Variants in GABRB1 observed in about 807,000 individuals in gnomAD.
The protein encoded by GABRB1 is gamma-aminobutyric acid receptor subunit beta-1.
In GABRB1, 17 loss-of-function variants were observed where a neutral mutation model predicts 51.6. The ratio of observed to expected loss-of-function variants is 0.33; its 90% CI spans 0.23 to 0.49. The LOEUF (loss-of-function observed/expected upper bound fraction) is 0.49. Ranked by LOEUF, GABRB1 falls within the 20% of genes least tolerant of loss-of-function variation. The pLI is 0.99. For missense variants in GABRB1, 410 were observed against 600.6 expected, an observed-to-expected ratio of 0.68 and a Z score of 3.32; for synonymous variants, 247 against 218.9, an observed-to-expected ratio of 1.13 and a Z score of -1.14.
rs181754738 is a variant in GABRB1 at position 47,217,278 on chromosome 4, A to G, written c.461+55809A>G. 2.9e-3 allele frequency among the ~76,000 whole-genome samples: 445 copies of G among 151,972 alleles called. 1 individual carries two copies. The highest frequency in any genetic ancestry group is 4.0e-3 in the Non-Finnish European group (270 of 67,808). On this transcript the variant is annotated intron_variant, in intron 4 of 8. Coordinates refer to ENST00000295454, the MANE Select transcript of GABRB1 (RefSeq NM_000812.4). ...GTATTAAATACCTAAGTAGAAAATGACTACATGCTTGTTATATTATTCTCT... is the reference window on the plus strand; with the variant it reads ...GTATTAAATACCTAAGTAGAAAATGGCTACATGCTTGTTATATTATTCTCT...
intron 4 of GABRB1, among the ~76,000 whole-genome samples, chr4:47,222,086 T>C (rs903758039): frequency 2.6e-5 from 4 of 152,078 alleles, no homozygotes; most frequent in African/African-American, 9.7e-5. Flanking sequence ...TTACTGCAAA[T>C]GTACATCTGT....
At chr4:46,996,642 C>G (rs562975538) in intron 1 of GABRB1, among the ~76,000 whole-genome samples, 1 of 152,012 alleles carries the variant, frequency 6.6e-6, no homozygotes, top group African/African-American at 2.4e-5. Flanking sequence ...ACCAAACAGG[C>G]GAATGAATAT....
chr4:47,246,055 C>G (rs1013112200), intron 4 of GABRB1, among the ~76,000 whole-genome samples: 1 of 145,552 alleles, frequency 6.9e-6, no homozygotes. Context: ...AGTCTTTTAT[C>G]CCTTACCCTC....
chr4:47,125,553 T>C (rs1190817755), intron 3 of GABRB1, among the ~76,000 whole-genome samples: 1 of 45,942 alleles, frequency 2.2e-5, no homozygotes, highest in Non-Finnish European at 4.6e-5. Context: ...CAACAAAGTA[T>C]AATTTCTTTT....
Position 47,356,389 on chromosome 4 carries a change from A to G in GABRB1, c.544+36180A>G, listed in dbSNP as rs530405551. Among the ~76,000 whole-genome samples, 16 of 152,304 alleles carry G rather than the reference A, an allele frequency of 1.1e-4. No homozygotes were observed. The South Asian group carries it at 3.3e-3, about 32-fold the overall frequency. On this transcript the variant is annotated intron_variant, in intron 5 of 8. Coordinates refer to ENST00000295454, the MANE Select transcript of GABRB1 (RefSeq NM_000812.4). ...TAGGGATGTCAGTTTGCTATTACAA[A>G]AGCATTCTCTGTTCCTCAAAATTTG...
chr4:47,126,439 A>G (rs1482033425), intron 3 of GABRB1, among the ~76,000 whole-genome samples: 2 of 152,174 alleles, frequency 1.3e-5, no homozygotes, highest in African/African-American at 4.8e-5. Context: ...CAAAAATATC[A>G]TAATTATGTG....
At chr4:47,356,552 A>C (rs922052612) in intron 5 of GABRB1, among the ~76,000 whole-genome samples, 1 of 152,210 alleles carries the variant, frequency 6.6e-6, no homozygotes, top group South Asian at 2.1e-4. Context: ...GAAACAGGGA[A>C]ATCCTGAGTT....
chr4:47,002,667 T>C (rs1224172680), intron 1 of GABRB1, among the ~76,000 whole-genome samples: 1 of 152,146 alleles, frequency 6.6e-6, no homozygotes, highest in Non-Finnish European at 1.5e-5. Flanking sequence ...ATCATAGATA[T>C]ATACTAGCCT....
At chr4:47,328,000 A>C (rs1408728720) in intron 5 of GABRB1, among the ~76,000 whole-genome samples, 1 of 152,160 alleles carries the variant, frequency 6.6e-6, no homozygotes, top group African/African-American at 2.4e-5. Context: ...AATGATCGCC[A>C]TTCTAACTGG....
chr4:47,115,991 C>T (rs1715461685), intron 3 of GABRB1, among the ~76,000 whole-genome samples: 2 of 152,100 alleles, frequency 1.3e-5, no homozygotes. Flanking sequence ...CCAAGGACAA[C>T]CTCAGAATAT....
chr4:47,217,674 T>A (rs1041085239), intron 4 of GABRB1, among the ~76,000 whole-genome samples: 7 of 151,956 alleles, frequency 4.6e-5, no homozygotes, highest in Admixed American at 4.6e-4. Flanking sequence ...TTAGATTTTT[T>A]AAATGTTTTT....
intron 5 of GABRB1, among the ~76,000 whole-genome samples, chr4:47,385,174 C>T (rs908114930): frequency 4.6e-5 from 7 of 152,168 alleles, no homozygotes; most frequent in Non-Finnish European, 7.3e-5. Flanking sequence ...ATGCCATGAC[C>T]TCATCTGAGA....
intron 3 of GABRB1, among the ~76,000 whole-genome samples, chr4:47,046,147 T>C (rs1726075577): frequency 6.6e-6 from 1 of 152,244 alleles, no homozygotes; most frequent in South Asian, 2.1e-4. Context: ...TCTGCCATGA[T>C]TGTATGTTTC....
At chr4:47,207,855 A>G (rs1210003190) in intron 4 of GABRB1, among the ~76,000 whole-genome samples, 2 of 152,100 alleles carry the variant, frequency 1.3e-5, no homozygotes, top group African/African-American at 4.8e-5. Flanking sequence ...TTGATCTAGA[A>G]AAGCCAGTAA....
At chr4:47,245,913 T>C (rs570268696) in intron 4 of GABRB1, among the ~76,000 whole-genome samples, 1 of 151,786 alleles carries the variant, frequency 6.6e-6, no homozygotes, top group African/African-American at 2.4e-5. Flanking sequence ...CTGTCTTTTT[T>C]TCTTTTTTCT....
At chr4:47,220,800 T>C (rs1410572273) in intron 4 of GABRB1, among the ~76,000 whole-genome samples, 2 of 151,974 alleles carry the variant, frequency 1.3e-5, no homozygotes, top group African/African-American at 4.8e-5. Context: ...TCTATTATCT[T>C]GCTCTCATAA....
chr4:47,195,278 A>G (rs1478983976), intron 4 of GABRB1, among the ~76,000 whole-genome samples: 1 of 151,974 alleles, frequency 6.6e-6, no homozygotes, highest in East Asian at 1.9e-4. Flanking sequence ...GAGGCAGGAG[A>G]ATGGCGTGAA....
At chr4:47,199,618 C>A (rs1031089401) in intron 4 of GABRB1, among the ~76,000 whole-genome samples, 3 of 152,008 alleles carry the variant, frequency 2.0e-5, no homozygotes, top group African/African-American at 7.2e-5. Context: ...GAGCGGGGAG[C>A]CTTGGGCATA....
chr4:47,052,720 C>T (rs920683705), intron 3 of GABRB1, among the ~76,000 whole-genome samples: 4 of 152,100 alleles, frequency 2.6e-5, no homozygotes, highest in Non-Finnish European at 5.9e-5. Context: ...TCTCTGACTT[C>T]CTATTCAGTT....
Sources: gnomAD v4.1 joint callset for allele counts (sites outside exome capture counted in the v4.1 genomes callset) on GRCh38, gnomAD v4.1.1 for gene constraint, MANE v1.5 for transcripts, NCBI Gene and HGNC (gene_info 2026-07-23, HGNC 2026-07-21) for gene names.